Variants in PIEZO1 observed in about 807,000 individuals in gnomAD.
PIEZO1 encodes the protein piezo type mechanosensitive ion channel component 1 (Er blood group), also known as piezo-type mechanosensitive ion channel component 1.
In PIEZO1, 296 loss-of-function variants were observed where a neutral mutation model predicts 297.2. That is an observed-to-expected ratio of 1.00 (90% CI 0.91 to 1.10). PIEZO1 has a LOEUF of 1.10. Among genes scored for constraint, PIEZO1 ranks in the 50% least tolerant of loss-of-function variants. The pLI, the probability that PIEZO1 is intolerant of heterozygous loss-of-function variation, is 0.00. For missense variants in PIEZO1, 5,018 were observed against 3,455.5 expected, an observed-to-expected ratio of 1.45 and a Z score of -11.34; for synonymous variants, 2,427 against 1,507.5, an observed-to-expected ratio of 1.61 and a Z score of -14.13.
At chr16:88,764,196 A>G (rs6500502) in intron 1 of PIEZO1, among the ~76,000 whole-genome samples, 91,774 of 151,318 alleles carry the variant, frequency 0.61, 29,123 homozygotes, top group African/African-American at 0.81. Flanking sequence ...GGGGTACGAA[A>G]GGGGATGTGC....
intron 1 of PIEZO1, among the ~76,000 whole-genome samples, chr16:88,763,520 AAAC>A (rs1374955675): frequency 1.3e-5 from 2 of 152,170 alleles, no homozygotes; most frequent in Admixed American, 6.5e-5. Context: ...CCGATTTAAA[AAAC>A]AAAACAAAAC....
intron 5 of PIEZO1, chr16:88,739,316 T>G (rs905798635): frequency 6.5e-6 from 1 of 152,722 alleles, no homozygotes; most frequent in Non-Finnish European, 1.5e-5. Flanking sequence ...GAGAGAGACC[T>G]GCCGGGCCTG....
chr16:88,722,814 G>C (rs995917891), intron 34 of PIEZO1, 23 bp downstream of exon 34: 11 of 1,540,750 alleles, frequency 7.1e-6, no homozygotes, highest in Non-Finnish European at 9.6e-6. Context: ...GCAGGGACGA[G>C]CGTGGTGCAC....
Position 88,715,599 on chromosome 16 carries a change from C to T in PIEZO1, c.*6G>A, listed in dbSNP as rs1228873532. Reference sequence around the variant, plus strand: ...CTCCTTCCCTCTCGGGCGCCAGCAGCAGCTCCTACTCCTTCTCACGAGTCC... The same window carrying T: ...CTCCTTCCCTCTCGGGCGCCAGCAGTAGCTCCTACTCCTTCTCACGAGTCC... On this transcript the variant is annotated 3_prime_UTR_variant, in exon 51 of 51. Coordinates refer to ENST00000301015, the MANE Select transcript of PIEZO1 (RefSeq NM_001142864.4). The T allele has an allele frequency of 3.2e-6, 5 of 1,548,266 alleles. No homozygotes were observed. Among genetic ancestry groups the T allele is most frequent in the Non-Finnish European group, 4.4e-6 (5 of 1,145,880 alleles).
At position 88,717,200 on chromosome 16, in the gene PIEZO1, C is replaced by G. The variant is rs1484216198; in HGVS notation, c.6483G>C (p.Gln2161His). 1 of 1,549,238 alleles carries G rather than the reference C, an allele frequency of 6.5e-7. No individual in the cohort carries two copies. Among genetic ancestry groups the G allele is most frequent in the East Asian group, 2.4e-5 (1 of 40,940 alleles). ...TCTTCTTCTTCTTCTGCCCTTTGGG[C>G]TGCGGGTATTTCTGGAGGGGAACGA... is the stretch of plus-strand genomic sequence containing the variant. Reference protein sequence around the residue: ...CSRETEKKYPQPKGQKKKKIV... With the variant: ...CSRETEKKYPHPKGQKKKKIV... Residue 2161 changes from glutamine (Q) to histidine (H), a missense_variant, in exon 45 of 51, where the codon CAG (glutamine) becomes CAC (histidine). By Grantham distance (24) the Gln-to-His change is conservative (BLOSUM62 0). Transcript: ENST00000301015.
intron 30 of PIEZO1, 34 bp from the exon 31 acceptor site, chr16:88,724,005 A>C: frequency 7.7e-7 from 1 of 1,304,766 alleles, no homozygotes; most frequent in East Asian, 2.5e-5. Flanking sequence ...CCAGCCTTCC[A>C]TGCAGGGAGA....
At chr16:88,722,423 G>A in intron 35 of PIEZO1, 26 bp from the exon 36 acceptor site, 6 of 1,482,988 alleles carry the variant, frequency 4.0e-6, no homozygotes, top group Non-Finnish European at 5.4e-6. Flanking sequence ...GAGTCACAGA[G>A]AATCCTGCTC....
intron 2 of PIEZO1, chr16:88,743,930 A>AGGC (rs936307760): frequency 6.7e-6 from 2 of 298,386 alleles, no homozygotes; most frequent in African/African-American, 4.4e-5. Context: ...CCAGGAAGGG[A>AGGC]GGCTGCAGCC....
chr16:88,722,239 G>C lies in PIEZO1; in HGVS notation c.4934C>G (p.Ala1645Gly), dbSNP rs1198184168. 1 of 1,547,218 alleles carries C rather than the reference G, an allele frequency of 6.5e-7. No homozygotes were observed. The highest frequency in any genetic ancestry group is 8.7e-7 in the Non-Finnish European group (1 of 1,146,804). ...ASLYQGLMRTASELLLDRRLR... is the reference protein window; with the variant it reads ...ASLYQGLMRTGSELLLDRRLR... ...CCACCTGTCCAGGAGCAGCTCGCTG[G>C]CCGTCCGCATCAGTCCCTGGTACAG... Residue 1645 changes from alanine (A) to glycine (G), a missense_variant, in exon 36 of 51, where the codon GCC becomes GGC. Transcript: ENST00000301015.
chr16:88,784,172 G>C (rs925243167), intron 1 of PIEZO1, among the ~76,000 whole-genome samples: 1 of 152,272 alleles, frequency 6.6e-6, no homozygotes, highest in Non-Finnish European at 1.5e-5. Context: ...ACAGATGCCA[G>C]GACTGGGGAC....
intron 22 of PIEZO1, 76 bp downstream of exon 22, chr16:88,731,630 G>A: frequency 8.7e-7 from 1 of 1,155,736 alleles, no homozygotes; most frequent in Non-Finnish European, 1.3e-6. Context: ...CAGGAGTCTG[G>A]GGCAGGCGGG....
intron 1 of PIEZO1, among the ~76,000 whole-genome samples, chr16:88,774,226 GTAA>G (rs375996680): frequency 1.6e-4 from 25 of 152,262 alleles, no homozygotes; most frequent in African/African-American, 5.8e-4. Flanking sequence ...TGACCAGGCT[GTAA>G]TAATATAAAC....
intron 1 of PIEZO1, among the ~76,000 whole-genome samples, chr16:88,764,580 G>A (rs1280609880): frequency 6.6e-6 from 1 of 151,752 alleles, no homozygotes; most frequent in African/African-American, 2.4e-5. Context: ...ACGAAACCCC[G>A]TCGCTACTAA....
In PIEZO1 at chr16:88,717,155, A is replaced by G; in HGVS notation, c.6528T>C (p.Gly2176=). Residue 2176 remains glycine (G), a synonymous_variant, in exon 45 of 51, where the codon GGT becomes GGC. Transcript: ENST00000301015. ...KKKKIVKYGM[G]GLIILFLIAI... is the part of the protein sequence containing the mutation. ...CGATGAGGAAGAGGATGATGAGGCC[A>G]CCCATGCCGTACTTGACGATCTTCT... The G allele has an allele frequency of 1.3e-6, 2 of 1,551,052 alleles. No homozygotes were observed. Among genetic ancestry groups the G allele is most frequent in the Non-Finnish European group, 1.7e-6 (2 of 1,147,168 alleles).
intron 10 of PIEZO1, 62 bp from the exon 11 acceptor site, chr16:88,736,801 A>C: frequency 9.4e-7 from 1 of 1,068,178 alleles, no homozygotes; most frequent in Non-Finnish European, 1.3e-6. Flanking sequence ...CACCCTGACT[A>C]TGCCCTAAAA....
At chr16:88,749,356 G>T in intron 2 of PIEZO1, 28 bp downstream of exon 2, 1 of 1,400,364 alleles carries the variant, frequency 7.1e-7, no homozygotes, top group Non-Finnish European at 9.4e-7. Flanking sequence ...CCCACCCTGA[G>T]AGCGTGGGCA....
intron 1 of PIEZO1, among the ~76,000 whole-genome samples, chr16:88,767,029 G>A (rs543787487): frequency 3.3e-5 from 5 of 152,324 alleles, no homozygotes; most frequent in South Asian, 4.1e-4. Context: ...TGAGTGCCGC[G>A]ACTGCTCTGC....
rs924766274 is a variant in PIEZO1 at position 88,733,608 on chromosome 16, C to T, written c.2467G>A (p.Val823Ile). The T allele has an allele frequency of 3.2e-5, 50 of 1,547,278 alleles. No individual in the cohort carries two copies. Among genetic ancestry groups the T allele is most frequent in the South Asian group, 4.8e-5 (4 of 83,824 alleles). The change falls in exon 18 of 51, where the codon GTC (valine) becomes ATC (isoleucine). Residue 823 changes from valine (V) to isoleucine (I), a missense_variant. Physicochemically the swap from Val to Ile is conservative, Grantham distance 29. Transcript: ENST00000301015. ...CTCACCTCCTTCAGGGCCACCCAGA[C>T]GGTGTACAGGGCCACCAGCTTGAAA... is the stretch of plus-strand genomic sequence containing the variant. ...HVFKLVALYT[V>I]WVALKEVSVM...
intron 16 of PIEZO1, 36 bp downstream of exon 16, chr16:88,734,320 C>A: frequency 6.8e-7 from 1 of 1,470,684 alleles, no homozygotes; most frequent in South Asian, 1.4e-5. Context: ...GGAGGCTACA[C>A]CTCTCCAGGG....
Sources: gnomAD v4.1 joint callset for allele counts (sites outside exome capture counted in the v4.1 genomes callset) on GRCh38, gnomAD v4.1.1 for gene constraint, MANE v1.5 for transcripts, NCBI Gene and HGNC (gene_info 2026-07-23, HGNC 2026-07-21) for gene names.